CHRM3: variants seen among roughly 807,000 people sequenced by gnomAD.
The protein encoded by CHRM3 is cholinergic receptor muscarinic 3.
Under a neutral mutation model 41.8 loss-of-function variants are expected in CHRM3, and 11 were observed. The ratio of observed to expected loss-of-function variants is 0.26; its 90% CI spans 0.17 to 0.44. The LOEUF (loss-of-function observed/expected upper bound fraction) is 0.44, where lower values mean the gene tolerates loss of function less well. Among genes scored for constraint, CHRM3 ranks in the 20% least tolerant of loss-of-function variants. CHRM3 has a pLI of 1.00. For missense variants in CHRM3, 571 were observed against 745.4 expected (o/e 0.77, Z 2.72); for synonymous variants, 297 against 301.4 (o/e 0.99, Z 0.15).
At chr1:239,531,809 G>A (rs1298712788) in intron 2 of CHRM3, among the ~76,000 whole-genome samples, 4 of 145,728 alleles carry the variant, frequency 2.7e-5, no homozygotes, top group African/African-American at 1.0e-4. Context: ...ACAGGCACCC[G>A]CCACCACACC....
At chr1:239,863,785 C>T (rs1468484836) in intron 6 of CHRM3, among the ~76,000 whole-genome samples, 2 of 152,048 alleles carry the variant, frequency 1.3e-5, no homozygotes, top group East Asian at 3.9e-4. Flanking sequence ...TTTAACAAAG[C>T]AAACATACAA....
chr1:239,654,227 C>T (rs936208377), intron 4 of CHRM3, among the ~76,000 whole-genome samples: 16 of 151,958 alleles, frequency 1.1e-4, no homozygotes, highest in African/African-American at 3.6e-4. Context: ...GCTTAGGCCT[C>T]GTAAATCCTG....
chr1:239,792,065 G>A (rs1212782108), intron 5 of CHRM3, among the ~76,000 whole-genome samples: 1 of 152,232 alleles, frequency 6.6e-6, no homozygotes, highest in Non-Finnish European at 1.5e-5. Flanking sequence ...TTACCCTGCA[G>A]TGTGTCTCAT....
At chr1:239,607,502 A>C (rs1313292822) in intron 3 of CHRM3, among the ~76,000 whole-genome samples, 10 of 152,170 alleles carry the variant, frequency 6.6e-5, no homozygotes, top group African/African-American at 1.9e-4. Context: ...TACGAGACTG[A>C]AATTAATTAT....
intron 5 of CHRM3, among the ~76,000 whole-genome samples, chr1:239,787,346 T>C (rs914494969): frequency 1.3e-5 from 2 of 152,026 alleles, no homozygotes; most frequent in African/African-American, 4.8e-5. Flanking sequence ...TAAAGCCACC[T>C]GCATATGGAC....
chr1:239,813,478 A>C (rs919739284), intron 5 of CHRM3, among the ~76,000 whole-genome samples: 1 of 152,120 alleles, frequency 6.6e-6, no homozygotes, highest in Non-Finnish European at 1.5e-5. Flanking sequence ...GACCAAAAAC[A>C]CTTGTTTCTT....
At chr1:239,794,536 T>G (rs532549309) in intron 5 of CHRM3, among the ~76,000 whole-genome samples, 1 of 152,274 alleles carries the variant, frequency 6.6e-6, no homozygotes, top group South Asian at 2.1e-4. Flanking sequence ...ACCAGGAAAC[T>G]GTTACATGCG....
intron 5 of CHRM3, among the ~76,000 whole-genome samples, chr1:239,702,714 G>A (rs908317654): frequency 9.2e-5 from 14 of 152,232 alleles, no homozygotes; most frequent in African/African-American, 2.9e-4. Flanking sequence ...GGGTTCAAGT[G>A]AGTCTCATGC....
chr1:239,817,197 T>G (rs1042477934), intron 5 of CHRM3, among the ~76,000 whole-genome samples: 1 of 152,154 alleles, frequency 6.6e-6, no homozygotes, highest in African/African-American at 2.4e-5. Context: ...ACCATTGCCC[T>G]GTGGGGAAAG....
chr1:239,482,946 T>A (rs1241891731), intron 1 of CHRM3, among the ~76,000 whole-genome samples: 3 of 152,230 alleles, frequency 2.0e-5, no homozygotes, highest in African/African-American at 7.2e-5. Flanking sequence ...TAAAGCATTT[T>A]GCTCTCCCTC....
rs570789340 is a variant in CHRM3 at position 239,610,143 on chromosome 1, A to C, written c.-312-22081A>C. Among the ~76,000 whole-genome samples, 5 of 134,370 alleles carry C rather than the reference A, an allele frequency of 3.7e-5. No individual in the cohort carries two copies. The South Asian group carries it at 1.1e-3, about 28-fold the overall frequency. 88.2% of individuals were successfully genotyped at this position (134,370 alleles called of 152,430 possible). A position where few individuals can be genotyped will look rare whatever the true frequency, so the allele number is the denominator to read the frequency against. ...GGGAGGCGGGGCTTGCAGTGAGTGG[A>C]GATCACGCCACTGCACTCCAGCCTG... On this transcript the variant is annotated intron_variant, in intron 3 of 6. Coordinates refer to ENST00000676153, the MANE Select transcript of CHRM3 (RefSeq NM_001375978.1).
intron 1 of CHRM3, among the ~76,000 whole-genome samples, chr1:239,391,856 C>G (rs1659063493): frequency 6.6e-6 from 1 of 152,120 alleles, no homozygotes; most frequent in East Asian, 1.9e-4. Context: ...GGCTTTGAGA[C>G]CTTGCCTTTC....
At chr1:239,662,921 T>TCTTCTTCTTCTTCTTCTTCTTCTC (rs1323414842) in intron 4 of CHRM3, among the ~76,000 whole-genome samples, 1 of 149,134 alleles carries the variant, frequency 6.7e-6, no homozygotes, top group African/African-American at 2.5e-5. Flanking sequence ...TTCTTCTTCT[T>TCTTCTTCTTCTTCTTCTTCTTCTC]CTTCTTCTTC....
intron 1 of CHRM3, among the ~76,000 whole-genome samples, chr1:239,484,982 T>A (rs1294409911): frequency 6.6e-6 from 1 of 152,164 alleles, no homozygotes; most frequent in Non-Finnish European, 1.5e-5. Flanking sequence ...CTTTCACCAG[T>A]CTAAATTTGT....
rs546256277 is a variant in CHRM3 at position 239,747,247 on chromosome 1, C to T, written c.-147+68959C>T. Among the ~76,000 whole-genome samples the T allele has an allele frequency of 3.9e-5, 6 of 152,214 alleles. No homozygotes were observed. The South Asian group carries it at 8.3e-4, about 21-fold the overall frequency. ...TGGACTCAATAAATATGATTCATTA[C>T]ATAAATATTTATTGAGCACCCACTA... On this transcript the variant is annotated intron_variant, in intron 5 of 6. Transcript: ENST00000676153.
intron 6 of CHRM3, among the ~76,000 whole-genome samples, chr1:239,862,257 T>C (rs1675701625): frequency 6.6e-6 from 1 of 152,250 alleles, no homozygotes; most frequent in African/African-American, 2.4e-5. Flanking sequence ...TACACTAGTC[T>C]GTTTCCCTGT....
intron 5 of CHRM3, among the ~76,000 whole-genome samples, chr1:239,791,570 A>G (rs965454555): frequency 6.6e-6 from 1 of 151,966 alleles, no homozygotes; most frequent in African/African-American, 2.4e-5. Flanking sequence ...AATCAGTTTT[A>G]TTTTCTGATG....
intron 2 of CHRM3, among the ~76,000 whole-genome samples, chr1:239,501,375 GC>G (rs1668231695): frequency 6.6e-6 from 1 of 152,124 alleles, no homozygotes; most frequent in South Asian, 2.1e-4. Flanking sequence ...CATATGATAG[GC>G]TATAAAACTA....
chr1:239,427,951 C>T (rs1168903616), intron 1 of CHRM3, among the ~76,000 whole-genome samples: 4 of 152,182 alleles, frequency 2.6e-5, no homozygotes, highest in Non-Finnish European at 4.4e-5. Context: ...ATTATTTGCA[C>T]ACATGAGGTT....
Sources: gnomAD v4.1 joint callset for allele counts (sites outside exome capture counted in the v4.1 genomes callset) on GRCh38, gnomAD v4.1.1 for gene constraint, MANE v1.5 for transcripts, NCBI Gene and HGNC (gene_info 2026-07-23, HGNC 2026-07-21) for gene names.